Variants in LRATD1 observed in about 807,000 individuals in gnomAD.
LRATD1 encodes the protein protein LRATD1.
A neutral mutation model predicts 21.3 loss-of-function variants in LRATD1; 8 were observed. The ratio of observed to expected loss-of-function variants is 0.38; its 90% CI spans 0.22 to 0.68. The LOEUF is 0.68. Ranked by LOEUF, LRATD1 falls within the 30% of genes least tolerant of loss-of-function variation. The pLI is 0.54. For missense variants in LRATD1, 380 were observed against 404.0 expected, an observed-to-expected ratio of 0.94 and a Z score of 0.51; for synonymous variants, 210 against 186.2, an observed-to-expected ratio of 1.13 and a Z score of -1.04.
downstream of LRATD1, among the ~76,000 whole-genome samples, chr2:14,643,846 T>A (rs1270350976): frequency 1.3e-5 from 2 of 152,194 alleles, no homozygotes. Context: ...ACATAGTCTG[T>A]TTAAGTTAAT....
downstream of LRATD1, among the ~76,000 whole-genome samples, chr2:14,643,017 A>T (rs7559666): frequency 2.6e-5 from 4 of 151,946 alleles, no homozygotes; most frequent in African/African-American, 9.7e-5. Flanking sequence ...TGTTGAGAAA[A>T]AAAGTGTCAA....
chr2:14,637,806 A>G lies in LRATD1; in HGVS notation c.*2948A>G, dbSNP rs1572298271. On this transcript the variant is annotated 3_prime_UTR_variant, in exon 2 of 2. Transcript: ENST00000295092. ...GGCGTGGGCACACTTGATTTTTATT[A>G]TGAGTGAATGTAATCTTTCTGTATT... 6.0e-6 allele frequency: 1 copy of G among 167,198 alleles called. No individual in the cohort carries two copies. Among genetic ancestry groups the G allele is most frequent in the South Asian group, 2.1e-4 (1 of 4,832 alleles). 10.4% of individuals were successfully genotyped at this position (167,198 alleles called of 1,614,324 possible).
chr2:14,649,495 G>C (rs1252347650), intron 5 of LRATD1: 2 of 394,358 alleles, frequency 5.1e-6, no homozygotes, highest in Non-Finnish European at 1.0e-5. Context: ...GCTCTGCCGG[G>C]TGAAATATCA....
chr2:14,647,083 A>T (rs571904114), intron 4 of LRATD1, among the ~76,000 whole-genome samples: 7 of 152,230 alleles, frequency 4.6e-5, no homozygotes, highest in Non-Finnish European at 8.8e-5. Context: ...GCCTTTTAAC[A>T]GGAGACTATG....
chr2:14,633,830 T>C lies in LRATD1; in HGVS notation c.-36-114T>C. The C allele has an allele frequency of 9.4e-7, 1 of 1,060,092 alleles. No homozygotes were observed. Among genetic ancestry groups the C allele is most frequent in the Non-Finnish European group, 1.3e-6 (1 of 743,766 alleles). 65.7% of individuals were successfully genotyped at this position (1,060,092 alleles called of 1,614,324 possible). On this transcript the variant is annotated intron_variant, in intron 1 of 1. Coordinates refer to ENST00000295092, the MANE Select transcript of LRATD1 (RefSeq NM_145175.4). The surrounding 1 kb of genome is among the most constrained non-coding windows in gnomAD (Gnocchi z 7.5). ...ACTCGGCTGGAAAGGGTGACTCCGGTGAGGGCACGTAAGCTAGCCGGCAGG... is the reference window on the plus strand; with the variant it reads ...ACTCGGCTGGAAAGGGTGACTCCGGCGAGGGCACGTAAGCTAGCCGGCAGG...
chr2:14,636,868 T>C lies in LRATD1; in HGVS notation c.*2010T>C, dbSNP rs565844982. ...ATATTTTTCTTTCTTTTTCTTTTTT[T>C]TTCTTTGGTTTTCATCCTGGATTCA... On this transcript the variant is annotated 3_prime_UTR_variant, in exon 2 of 2. Transcript: ENST00000295092. The C allele has an allele frequency of 1.2e-5, 2 of 167,134 alleles. No homozygotes were observed. The highest frequency in any genetic ancestry group is 2.9e-5 in the Non-Finnish European group (2 of 68,128). The allele number at this position is 167,134 out of a possible 1,614,324, so 10.4% of individuals were successfully genotyped here. A position where few individuals can be genotyped will look rare whatever the true frequency, so the allele number is the denominator to read the frequency against.
downstream of LRATD1, chr2:14,642,102 G>A (rs1671816295): frequency 6.6e-6 from 1 of 152,510 alleles, no homozygotes; most frequent in Non-Finnish European, 1.5e-5. Flanking sequence ...ATACCGCCCA[G>A]CATCTATCTA....
rs1466652180 is a variant in LRATD1, at chr2:14,637,690, C to T, written c.*2832C>T. The T allele has an allele frequency of 1.2e-5, 2 of 166,876 alleles. No homozygotes were observed. Among genetic ancestry groups the T allele is most frequent in the African/African-American group, 4.8e-5 (2 of 41,378 alleles). The allele number at this position is 166,876 out of a possible 1,614,324, so 10.3% of individuals were successfully genotyped here. On this transcript the variant is annotated 3_prime_UTR_variant, in exon 2 of 2. Transcript: ENST00000295092. The stretch of plus-strand genomic sequence containing the variant: ...GCAGAGGATATGATCAAGATATTAC[C>T]TAATGGTTTTATCCTGAAAAAGGTG...
rs1003714056 is a variant in LRATD1, at chr2:14,635,589, C to T, written c.*731C>T. On this transcript the variant is annotated 3_prime_UTR_variant, in exon 2 of 2. Coordinates refer to ENST00000295092, the MANE Select transcript of LRATD1 (RefSeq NM_145175.4). The stretch of plus-strand genomic sequence containing the variant: ...CCCGCCTTTGCCTGCGAGTCTCCCT[C>T]GCTGGCAGAAGGGAAGCCGGCCCGG... 2 of 471,034 alleles carry T rather than the reference C, an allele frequency of 4.2e-6. No individual in the cohort carries two copies. Among genetic ancestry groups the T allele is most frequent in the Non-Finnish European group, 4.4e-6 (1 of 227,036 alleles). 29.2% of individuals were successfully genotyped at this position (471,034 alleles called of 1,614,324 possible).
chr2:14,635,741 T>C lies in LRATD1; in HGVS notation c.*883T>C. 1 of 395,002 alleles carries C rather than the reference T, an allele frequency of 2.5e-6. No homozygotes were observed. The highest frequency in any genetic ancestry group is 5.2e-6 in the Non-Finnish European group (1 of 190,732). 24.5% of individuals were successfully genotyped at this position (395,002 alleles called of 1,614,324 possible). A position where few individuals can be genotyped will look rare whatever the true frequency, so the allele number is the denominator to read the frequency against. ...GAAGGGCGCTTATTGTTCTGAACCCTTGATTGCTCCCTCCTCGGGCTGCAT... is the reference window on the plus strand; with the variant it reads ...GAAGGGCGCTTATTGTTCTGAACCCCTGATTGCTCCCTCCTCGGGCTGCAT... On this transcript the variant is annotated 3_prime_UTR_variant, in exon 2 of 2. Coordinates refer to ENST00000295092, the MANE Select transcript of LRATD1 (RefSeq NM_145175.4).
rs1671728714 is a variant in LRATD1 at position 14,638,149 on chromosome 2, A to G, written c.*3291A>G. On this transcript the variant is annotated 3_prime_UTR_variant, in exon 2 of 2. Transcript: ENST00000295092. Reference sequence around the variant, plus strand: ...AAACCAAAAATCAAATAAAATAAGGAGGGGGGCTGGGTATACTTTAAACAA... The same window carrying G: ...AAACCAAAAATCAAATAAAATAAGGGGGGGGGCTGGGTATACTTTAAACAA... 1 of 147,944 alleles carries G rather than the reference A, an allele frequency of 6.8e-6. No individual in the cohort carries two copies. Among genetic ancestry groups the G allele is most frequent in the Admixed American group, 8.2e-5 (1 of 12,208 alleles). 9.2% of individuals were successfully genotyped at this position (147,944 alleles called of 1,614,324 possible).
chr2:14,639,371 T>C lies in LRATD1; in HGVS notation c.*4513T>C, dbSNP rs965192283. 3.0e-5 allele frequency: 5 copies of C among 166,790 alleles called. No individual in the cohort carries two copies. Among genetic ancestry groups the C allele is most frequent in the Non-Finnish European group, 7.3e-5 (5 of 68,054 alleles). 10.3% of individuals were successfully genotyped at this position (166,790 alleles called of 1,614,324 possible). A position where few individuals can be genotyped will look rare whatever the true frequency, so the allele number is the denominator to read the frequency against. On this transcript the variant is annotated 3_prime_UTR_variant, in exon 2 of 2. Transcript: ENST00000295092. ...TAAATATTAGGAAGTAACTGAAAAA[T>C]AAGAAGCAAGATAAAGTGGGGAGGC...
chr2:14,650,119 C>T (rs554598702), downstream of LRATD1: 5 of 152,298 alleles, frequency 3.3e-5, no homozygotes, highest in East Asian at 9.7e-4. Context: ...CATTGTATTT[C>T]CTCAATGTTG....
chr2:14,646,660 G>C (rs1435230395), intron 4 of LRATD1, among the ~76,000 whole-genome samples: 1 of 152,160 alleles, frequency 6.6e-6, no homozygotes, highest in East Asian at 1.9e-4. Flanking sequence ...GCAACAACCT[G>C]CAATAGTTGT....
downstream of LRATD1, chr2:14,650,876 G>A (rs944486089): frequency 6.6e-6 from 1 of 152,120 alleles, no homozygotes; most frequent in African/African-American, 2.4e-5. Flanking sequence ...GAGTGACTGA[G>A]TAAATGAACA....
chr2:14,636,524 G>T lies in LRATD1; in HGVS notation c.*1666G>T, dbSNP rs1671690976. On this transcript the variant is annotated 3_prime_UTR_variant, in exon 2 of 2. Transcript: ENST00000295092. ...GTGTGTTTTTCAAAAACTTAAGGCTGGGTGTGAAACACCTTCTGTGGACAA... is the reference window on the plus strand; with the variant it reads ...GTGTGTTTTTCAAAAACTTAAGGCTTGGTGTGAAACACCTTCTGTGGACAA... 6.0e-6 allele frequency: 1 copy of T among 167,008 alleles called. No individual in the cohort carries two copies. Among genetic ancestry groups the T allele is most frequent in the African/African-American group, 2.4e-5 (1 of 41,462 alleles). 10.3% of individuals were successfully genotyped at this position (167,008 alleles called of 1,614,324 possible).
In LRATD1 at chr2:14,634,188, G is replaced by GCCA. The variant is rs778287783; in HGVS notation, c.221_223dup (p.His74dup). ...ACCCCCTGCCCGGAGAGCCCCAGCC[G>GCCA]CCACCACCACCACCTGCTGCACCAG... On this transcript the variant is annotated inframe_insertion, in exon 2 of 2. Transcript: ENST00000295092. The GCCA allele has an allele frequency of 1.2e-6, 2 of 1,613,018 alleles. No homozygotes were observed. The highest frequency in any genetic ancestry group is 1.1e-5 in the South Asian group (1 of 91,024).
chr2:14,645,538 T>C (rs926985177), intron 2 of LRATD1, among the ~76,000 whole-genome samples: 4 of 152,194 alleles, frequency 2.6e-5, no homozygotes, highest in African/African-American at 7.2e-5. Context: ...TTTATCTGCC[T>C]GTCAAATTGA....
chr2:14,651,824 G>A (rs1271744154), downstream of LRATD1, among the ~76,000 whole-genome samples: 3 of 151,708 alleles, frequency 2.0e-5, no homozygotes, highest in African/African-American at 4.8e-5. Flanking sequence ...TTGTGGTTTT[G>A]TTTAATAGAT....
Sources: allele counts gnomAD v4.1 joint callset (sites outside exome capture counted in the v4.1 genomes callset), GRCh38; gene constraint gnomAD v4.1.1; non-coding constraint Gnocchi (gnomAD v3.1); transcripts MANE v1.5; gene names NCBI Gene and HGNC (gene_info 2026-07-23, HGNC 2026-07-21).